Variants in TUBA3E observed in about 807,000 individuals in gnomAD.
TUBA3E encodes tubulin alpha 3e.
Under a neutral mutation model 36.7 loss-of-function variants are expected in TUBA3E, and 21 were observed. The observed-to-expected ratio is 0.57, with a 90% CI of 0.41 to 0.83. TUBA3E has a LOEUF of 0.83. Among genes scored for constraint, TUBA3E ranks in the 40% least tolerant of loss-of-function variants. The probability of loss-of-function intolerance (pLI) is 0.00; values close to 1 mark genes in which losing one functional copy is unlikely to be tolerated. For missense variants in TUBA3E, 469 were observed against 604.2 expected (o/e 0.78, Z 2.35); for synonymous variants, 177 against 241.9 (o/e 0.73, Z 2.49).
At position 130,194,313 on chromosome 2, in the gene TUBA3E, C is replaced by A; in HGVS notation, c.529G>T (p.Val177Phe). 4 of 1,612,690 alleles carry A rather than the reference C, an allele frequency of 2.5e-6. No individual in the cohort carries two copies. The highest frequency in any genetic ancestry group is 3.4e-6 in the Non-Finnish European group (4 of 1,179,754). Reference protein sequence around the residue: ...LEFAIYPAPQVSTAVVEPYNS... With the variant: ...LEFAIYPAPQFSTAVVEPYNS... The stretch of plus-strand genomic sequence containing the variant: ...TAGGGCTCCACCACGGCTGTGGAGA[C>A]CTGGGGGGCTGGGTAAATGGCAAAC... Residue 177 changes from valine (V) to phenylalanine (F), a missense_variant, in exon 4 of 5, where the codon GTC (valine) becomes TTC (phenylalanine). Physicochemically the swap from Val to Phe is conservative, Grantham distance 50 (BLOSUM62 -1). Transcript: ENST00000312988.
At chr2:130,193,231 C>G (rs1299084700) in intron 4 of TUBA3E, among the ~76,000 whole-genome samples, 1 of 151,074 alleles carries the variant, frequency 6.6e-6, no homozygotes, top group Admixed American at 6.6e-5. Flanking sequence ...GCCTGAGAGA[C>G]AAAGCGAGAC....
At position 130,193,853 on chromosome 2, in the gene TUBA3E, G is replaced by A. The variant is rs772188868; in HGVS notation, c.989C>T (p.Ala330Val). Residue 330 changes from alanine (A) to valine (V), a missense_variant, in exon 4 of 5, where the codon GCG (alanine) becomes GTG (valine). Transcript: ENST00000312988. Reference protein sequence around the residue: ...RGDVVPKDVNAAIATIKTKRT... With the variant: ...RGDVVPKDVNVAIATIKTKRT... The stretch of plus-strand genomic sequence containing the variant: ...CTTGGTCTTGATGGTGGCGATGGCC[G>A]CATTGACGTCTTTGGGGACCACGTC... 17 of 1,614,142 alleles carry A rather than the reference G, an allele frequency of 1.1e-5. No homozygotes were observed. The highest frequency in any genetic ancestry group is 1.7e-5 in the Admixed American group (1 of 60,006).
At chr2:130,196,035 T>G in intron 2 of TUBA3E, 114 bp downstream of exon 2, 2 of 1,360,694 alleles carry the variant, frequency 1.5e-6, no homozygotes. Flanking sequence ...GCCATGGGCA[T>G]ATGCCTGTCT....
At chr2:130,196,088 G>A (rs1690395331) in intron 2 of TUBA3E, 61 bp downstream of exon 2, 1 of 1,464,352 alleles carries the variant, frequency 6.8e-7, no homozygotes, top group South Asian at 1.3e-5. Flanking sequence ...GCCCACACGG[G>A]GCTTTACCAA....
chr2:130,192,138 A>T lies in TUBA3E; in HGVS notation c.1057-11T>A, dbSNP rs766534709. 6.3e-7 allele frequency: 1 copy of T among 1,589,664 alleles called. No homozygotes were observed. Among genetic ancestry groups the T allele is most frequent in the Non-Finnish European group, 8.6e-7 (1 of 1,167,146 alleles). Reference sequence around the variant, plus strand: ...GTAGTTAATGCCCACCTGCCAGAGAAGGGAAAGAAAGCAGTCCGTGAAGCT... The same window carrying T: ...GTAGTTAATGCCCACCTGCCAGAGATGGGAAAGAAAGCAGTCCGTGAAGCT... On this transcript the variant is annotated splice_polypyrimidine_tract_variant and intron_variant, in intron 4 of 4. Coordinates refer to ENST00000312988, the MANE Select transcript of TUBA3E (RefSeq NM_207312.3).
In TUBA3E at chr2:130,193,111, C is replaced by T. The variant is rs1305212481; in HGVS notation, c.1056+675G>A. On this transcript the variant is annotated intron_variant, in intron 4 of 4. Transcript: ENST00000312988. ...GTCTCAAAAAAAAAAAAAAATTACC[C>T]GGGCATGGTGGTACATGTCTGTGTT... Among the ~76,000 whole-genome samples the T allele has an allele frequency of 5.9e-5, 9 of 151,468 alleles. 1 individual carries two copies. The highest frequency in any genetic ancestry group is 2.6e-4 in the Admixed American group (4 of 15,200).
chr2:130,197,235 A>G (rs1295415090), intron 1 of TUBA3E, among the ~76,000 whole-genome samples: 3 of 152,086 alleles, frequency 2.0e-5, no homozygotes, highest in African/African-American at 7.2e-5. Flanking sequence ...CATTCCTGTA[A>G]TCCCAGCACT....
Position 130,193,982 on chromosome 2 carries a change from G to C in TUBA3E, c.860C>G (p.Ser287Cys). The change falls in exon 4 of 5, where the codon TCT (serine) becomes TGT (cysteine). Residue 287 changes from serine to cysteine, a missense_variant. Ser to Cys is a moderately radical substitution (Grantham distance 112). Around this residue, in one of 3 missense-constraint regions of TUBA3E, gnomAD observed 296 missense variants for 346.9 expected, o/e 0.85. Transcript: ENST00000312988. ...SAEKAYHEQL[S>C]VAEITNACFE... ...GCAGGCATTGGTGATCTCGGCCACAGACAGCTGCTCGTGGTAGGCCTTCTC... is the reference window on the plus strand; with the variant it reads ...GCAGGCATTGGTGATCTCGGCCACACACAGCTGCTCGTGGTAGGCCTTCTC... The C allele has an allele frequency of 6.2e-7, 1 of 1,614,214 alleles. No homozygotes were observed. The highest frequency in any genetic ancestry group is 8.5e-7 in the Non-Finnish European group (1 of 1,180,026).
At chr2:130,195,024 C>G (rs772563328) in intron 3 of TUBA3E, 55 bp downstream of exon 3, 25 of 1,598,606 alleles carry the variant, frequency 1.6e-5, no homozygotes, top group Non-Finnish European at 2.0e-5. Flanking sequence ...TTTCACATTC[C>G]AAGAACTACC....
rs1226168664 is a variant in TUBA3E, at chr2:130,196,351, G to A, written c.24C>T (p.His8=). Reference sequence around the variant, plus strand: ...CGATCTGGACACCCGCCTGCCCCACGTGGATAGAGATACACTCGCGCTGTG... The same window carrying A: ...CGATCTGGACACCCGCCTGCCCCACATGGATAGAGATACACTCGCGCTGTG... MRECISI[H]VGQAGVQIGN... Residue 8 remains histidine, a synonymous_variant, in exon 2 of 5, where the codon CAC becomes CAT. Coordinates refer to ENST00000312988, the MANE Select transcript of TUBA3E (RefSeq NM_207312.3). 6 of 1,613,802 alleles carry A rather than the reference G, an allele frequency of 3.7e-6. No individual in the cohort carries two copies. The highest frequency in any genetic ancestry group is 1.1e-5 in the South Asian group (1 of 90,990).
At position 130,193,952 on chromosome 2, in the gene TUBA3E, T is replaced by C; in HGVS notation, c.890A>G (p.Glu297Gly). 1 of 1,614,218 alleles carries C rather than the reference T, an allele frequency of 6.2e-7. No homozygotes were observed. The highest frequency in any genetic ancestry group is 8.5e-7 in the Non-Finnish European group (1 of 1,180,028). ...ACACTTGACCATCTGATTGGCTGGC[T>C]CGAAGCAGGCATTGGTGATCTCGGC... is the stretch of plus-strand genomic sequence containing the variant. ...SVAEITNACFEPANQMVKCDP... is the reference protein window; with the variant it reads ...SVAEITNACFGPANQMVKCDP... Residue 297 changes from glutamate to glycine, a missense_variant, in exon 4 of 5, where the codon GAG (glutamate) becomes GGG (glycine). Physicochemically the swap from Glu to Gly is moderately conservative, Grantham distance 98. Coordinates refer to ENST00000312988, the MANE Select transcript of TUBA3E (RefSeq NM_207312.3).
chr2:130,197,256 G>A (rs1442027170), intron 1 of TUBA3E, among the ~76,000 whole-genome samples: 3 of 152,070 alleles, frequency 2.0e-5, no homozygotes, highest in Admixed American at 1.3e-4. Flanking sequence ...TTGGAAGGCT[G>A]AGGTGAGAGG....
rs1266425823 is a variant in TUBA3E, at chr2:130,193,842, T to C, written c.1000A>G (p.Thr334Ala). ...VPKDVNAAIA[T>A]IKTKRTIQFV... is the part of the protein sequence containing the mutation. ...TGGATAGTGCGCTTGGTCTTGATGG[T>C]GGCGATGGCCGCATTGACGTCTTTG... is the stretch of plus-strand genomic sequence containing the variant. Residue 334 changes from threonine (T) to alanine (A), a missense_variant, in exon 4 of 5, where the codon ACC becomes GCC. Around this residue, in one of 3 missense-constraint regions of TUBA3E, gnomAD observed 296 missense variants for 346.9 expected, o/e 0.85. Transcript: ENST00000312988. 6.2e-7 allele frequency: 1 copy of C among 1,614,104 alleles called. No homozygotes were observed. Among genetic ancestry groups the C allele is most frequent in the Non-Finnish European group, 8.5e-7 (1 of 1,179,980 alleles).
At position 130,195,799 on chromosome 2, in the gene TUBA3E, G is replaced by C. The variant is rs189931720; in HGVS notation, c.226+350C>G. Reference sequence around the variant, plus strand: ...GCCTAAGATGCAGGTCAAGACTCTCGTGCACCAGCATAAGAGAATGCACAG... The same window carrying C: ...GCCTAAGATGCAGGTCAAGACTCTCCTGCACCAGCATAAGAGAATGCACAG... On this transcript the variant is annotated intron_variant, in intron 2 of 4. Coordinates refer to ENST00000312988, the MANE Select transcript of TUBA3E (RefSeq NM_207312.3). 5.1e-3 allele frequency among the ~76,000 whole-genome samples: 782 copies of C among 152,318 alleles called. 8 individuals carry two copies. Among genetic ancestry groups the C allele is most frequent in the Middle Eastern group, 0.034 (10 of 294 alleles).
In TUBA3E at chr2:130,191,799, G is replaced by C. The variant is rs1247344878; in HGVS notation, c.*32C>G. The C allele has an allele frequency of 1.9e-6, 3 of 1,586,060 alleles. No homozygotes were observed. Among genetic ancestry groups the C allele is most frequent in the South Asian group, 2.3e-5 (2 of 85,884 alleles). On this transcript the variant is annotated 3_prime_UTR_variant, in exon 5 of 5. Coordinates refer to ENST00000312988, the MANE Select transcript of TUBA3E (RefSeq NM_207312.3). Reference sequence around the variant, plus strand: ...ACAACTTGAAAGCAGCCATCCTAGGGGTGGCAGGGGAGAACCCACCACACC... The same window carrying C: ...ACAACTTGAAAGCAGCCATCCTAGGCGTGGCAGGGGAGAACCCACCACACC...
At chr2:130,194,534 G>A in intron 3 of TUBA3E, 68 bp from the exon 4 acceptor site, 1 of 1,479,670 alleles carries the variant, frequency 6.8e-7, no homozygotes, top group African/African-American at 1.4e-5. Flanking sequence ...AACAAGCCAG[G>A]GCCGCTTCTC....
intron 4 of TUBA3E, 136 bp downstream of exon 4, chr2:130,193,650 C>G: frequency 2.1e-6 from 2 of 952,666 alleles, no homozygotes; most frequent in Non-Finnish European, 3.1e-6. Flanking sequence ...ATTATCAACT[C>G]TGGTTCACTA....
Position 130,198,415 on chromosome 2 carries a change from C to T in TUBA3E, c.-55G>A, listed in dbSNP as rs552696755. ...ACTTCCAGACCTCAACCGGCTGCCA[C>T]AGCTGCTGAGCGCCCAACTGCAATG... is the stretch of plus-strand genomic sequence containing the variant. On this transcript the variant is annotated 5_prime_UTR_variant, in exon 1 of 5. It adds an upstream start codon to the 5' untranslated region. Transcript: ENST00000312988. 2.2e-6 allele frequency: 3 copies of T among 1,354,736 alleles called. No individual in the cohort carries two copies. The highest frequency in any genetic ancestry group is 1.3e-5 in the South Asian group (1 of 75,196). 83.9% of individuals were successfully genotyped at this position (1,354,736 alleles called of 1,614,324 possible).
intron 4 of TUBA3E, 56 bp downstream of exon 4, chr2:130,193,730 G>A: frequency 6.4e-7 from 1 of 1,559,756 alleles, no homozygotes; most frequent in Middle Eastern, 1.7e-4. Context: ...TTCAAGGCCA[G>A]TGTTATTTTG....
Sources: allele counts gnomAD v4.1 joint callset (sites outside exome capture counted in the v4.1 genomes callset), GRCh38; gene constraint gnomAD v4.1.1; regional missense constraint gnomAD v4.1.1; transcripts MANE v1.5; gene names NCBI Gene and HGNC (gene_info 2026-07-23, HGNC 2026-07-21).